Variants in FBXO38 observed in about 807,000 individuals in gnomAD.
The protein encoded by FBXO38 is F-box protein 38, also known as F-box only protein 38.
FBXO38 carries 53 observed loss-of-function variants against 131.9 expected under a neutral mutation model. The observed-to-expected ratio is 0.40, with a 90% CI of 0.32 to 0.51. The LOEUF (loss-of-function observed/expected upper bound fraction) is 0.51. Ranked by LOEUF, FBXO38 falls within the 20% of genes least tolerant of loss-of-function variation. The pLI, the probability that FBXO38 is intolerant of heterozygous loss-of-function variation, is 0.53. For synonymous variants in FBXO38, 452 were observed against 505.6 expected, an observed-to-expected ratio of 0.89 and a Z score of 1.42; for missense variants, 1,076 against 1,475.6, an observed-to-expected ratio of 0.73 and a Z score of 4.44.
chr5:148,441,468 C>T lies in FBXO38; in HGVS notation c.3388+231C>T, dbSNP rs555846741. The T allele has an allele frequency of 1.1e-5, 4 of 376,944 alleles. No homozygotes were observed. In the South Asian group the frequency reaches 2.9e-4, roughly 27 times the overall value. The allele number at this position is 376,944 out of a possible 1,614,324, so 23.3% of individuals were successfully genotyped here. On this transcript the variant is annotated intron_variant, in intron 21 of 21. Coordinates refer to ENST00000340253, the MANE Select transcript of FBXO38 (RefSeq NM_205836.3). Reference sequence around the variant, plus strand: ...AAAGGATTCCTTTAGACAGATTTTCCTACAAGATTTTTATATTACCTAAAT... The same window carrying T: ...AAAGGATTCCTTTAGACAGATTTTCTTACAAGATTTTTATATTACCTAAAT...
chr5:148,434,302 T>G (rs1268163445), intron 17 of FBXO38: 2 of 152,186 alleles, frequency 1.3e-5, no homozygotes, highest in Non-Finnish European at 2.9e-5. Context: ...TTTATGTCTT[T>G]CTTTATATAT....
intron 5 of FBXO38, among the ~76,000 whole-genome samples, chr5:148,403,050 A>G (rs144870348): frequency 1.2e-3 from 190 of 152,264 alleles, no homozygotes; most frequent in African/African-American, 4.1e-3. Context: ...TAGATACACA[A>G]TTATGGGAGA....
intron 7 of FBXO38, among the ~76,000 whole-genome samples, chr5:148,407,404 T>TA (rs1362176038): frequency 2.6e-5 from 4 of 152,140 alleles, no homozygotes; most frequent in Non-Finnish European, 5.9e-5. Context: ...GAAGTCAACA[T>TA]ACCTCACACA....
Position 148,427,843 on chromosome 5 carries a change from C to G in FBXO38, c.2549C>G (p.Ser850Cys). 1 of 1,598,966 alleles carries G rather than the reference C, an allele frequency of 6.3e-7. No individual in the cohort carries two copies. Among genetic ancestry groups the G allele is most frequent in the Non-Finnish European group, 8.5e-7 (1 of 1,173,180 alleles). ...GATGEDRRGS[S>C]QPESCDVQSN... is the part of the protein sequence containing the mutation. Reference sequence around the variant, plus strand: ...ACAGGTGAGGACAGGAGGGGGAGCTCCCAGCCTGAGAGTTGTGACGTGCAG... The same window carrying G: ...ACAGGTGAGGACAGGAGGGGGAGCTGCCAGCCTGAGAGTTGTGACGTGCAG... Residue 850 changes from serine (S) to cysteine (C), a missense_variant, in exon 15 of 22, where the codon TCC becomes TGC. Physicochemically the swap from Ser to Cys is moderately radical, Grantham distance 112. Transcript: ENST00000340253.
chr5:148,410,409 C>A, intron 8 of FBXO38: 1 of 523,746 alleles, frequency 1.9e-6, no homozygotes, highest in Non-Finnish European at 3.3e-6. Context: ...ATGTGACTTG[C>A]TGCCATCAGT....
chr5:148,413,606 C>A (rs1050268041), intron 9 of FBXO38: 2 of 152,078 alleles, frequency 1.3e-5, no homozygotes, highest in African/African-American at 4.8e-5. Flanking sequence ...GGCACTAAAG[C>A]CCAGTGGCAT....
At chr5:148,397,359 T>G (rs977772637) in intron 2 of FBXO38, among the ~76,000 whole-genome samples, 1 of 152,160 alleles carries the variant, frequency 6.6e-6, no homozygotes, top group Non-Finnish European at 1.5e-5. Context: ...TAATCTTGAT[T>G]TTGTGATTAT....
At chr5:148,409,642 A>C (rs1405613927) in intron 8 of FBXO38, among the ~76,000 whole-genome samples, 1 of 152,240 alleles carries the variant, frequency 6.6e-6, no homozygotes, top group Non-Finnish European at 1.5e-5. Flanking sequence ...CAGCTTTTCC[A>C]AAGTCTGACC....
rs781209807 is a variant in FBXO38, at chr5:148,394,744, G to A, written c.-33G>A. 3.4e-6 allele frequency: 5 copies of A among 1,483,832 alleles called. No individual in the cohort carries two copies. Among genetic ancestry groups the A allele is most frequent in the Non-Finnish European group, 4.5e-6 (5 of 1,115,860 alleles). 91.9% of individuals were successfully genotyped at this position (1,483,832 alleles called of 1,614,324 possible). On this transcript the variant is annotated 5_prime_UTR_variant, in exon 2 of 22. Transcript: ENST00000340253. ...TTGAACTCAAGTAAACAAAAGGGAA[G>A]ATTTTCTCGTTGATACTGGAGACTG...
At chr5:148,404,559 G>A in intron 5 of FBXO38, 126 bp from the exon 6 acceptor site, 2 of 779,498 alleles carry the variant, frequency 2.6e-6, no homozygotes, top group Non-Finnish European at 3.7e-6. Flanking sequence ...TGTATAATTT[G>A]TTCGGATAAA....
At chr5:148,413,654 G>T (rs1581255171) in intron 9 of FBXO38, 6 of 152,574 alleles carry the variant, frequency 3.9e-5, no homozygotes, top group Admixed American at 3.9e-4. Flanking sequence ...GGTATAGATA[G>T]ATGTTACTAA....
At chr5:148,413,950 G>T in intron 9 of FBXO38, 186 bp from the exon 10 acceptor site, 2 of 439,420 alleles carry the variant, frequency 4.6e-6, no homozygotes, top group Admixed American at 4.1e-5. Flanking sequence ...TTATTATTTT[G>T]TACAAGAAGT....
chr5:148,437,884 A>T (rs1422833522), intron 17 of FBXO38, among the ~76,000 whole-genome samples: 2 of 151,488 alleles, frequency 1.3e-5, no homozygotes, highest in African/African-American at 4.8e-5. Flanking sequence ...AAGTATCCAA[A>T]TGTGTTTCTG....
Position 148,437,299 on chromosome 5 carries a change from G to A in FBXO38, c.2858-1033G>A, listed in dbSNP as rs147325144. ...GATTAGAACTGACCTTAGTCATGTC[G>A]GATTTTATAGCTAAGAACCACTGGA... On this transcript the variant is annotated intron_variant, in intron 17 of 21. Transcript: ENST00000340253. Among the ~76,000 whole-genome samples, 401 of 152,334 alleles carry A rather than the reference G, an allele frequency of 2.6e-3. 1 individual carries two copies. The highest frequency in any genetic ancestry group is 3.5e-3 in the Admixed American group (54 of 15,302).
chr5:148,436,931 A>G (rs957724404), intron 17 of FBXO38, among the ~76,000 whole-genome samples: 15 of 152,166 alleles, frequency 9.9e-5, no homozygotes, highest in Non-Finnish European at 2.9e-5. Context: ...CAGTAGGGGT[A>G]CTCACCCTAG....
chr5:148,414,471 A>G (rs1752939820), intron 10 of FBXO38, among the ~76,000 whole-genome samples, 165 bp downstream of exon 10: 1 of 152,172 alleles, frequency 6.6e-6, no homozygotes, highest in Non-Finnish European at 1.5e-5. Context: ...AGTTGGAAGT[A>G]TATTCAATGC....
intron 12 of FBXO38, among the ~76,000 whole-genome samples, chr5:148,417,751 G>A (rs115561052): frequency 0.01 from 1,543 of 152,094 alleles, 10 homozygotes; most frequent in Non-Finnish European, 0.014. Context: ...GAATACTTAC[G>A]GTGTGCCAAC....
intron 5 of FBXO38, among the ~76,000 whole-genome samples, chr5:148,403,316 A>G (rs984419113): frequency 1.3e-5 from 2 of 152,142 alleles, no homozygotes; most frequent in African/African-American, 2.4e-5. Flanking sequence ...ACACTGTATT[A>G]TGGTGATGCA....
At chr5:148,441,926 C>A in intron 21 of FBXO38, 43 bp from the exon 22 acceptor site, 1 of 1,547,278 alleles carries the variant, frequency 6.5e-7, no homozygotes, top group South Asian at 1.2e-5. Context: ...CCAAATGATT[C>A]TGATTATCAT....
Sources: allele counts gnomAD v4.1 joint callset (sites outside exome capture counted in the v4.1 genomes callset), GRCh38; gene constraint gnomAD v4.1.1; transcripts MANE v1.5; gene names NCBI Gene and HGNC (gene_info 2026-07-23, HGNC 2026-07-21).